Variants in PMPCB observed in about 807,000 individuals in gnomAD.
PMPCB encodes peptidase, mitochondrial processing subunit beta, also known as mitochondrial-processing peptidase subunit beta.
PMPCB carries 46 observed loss-of-function variants against 61.5 expected under a neutral mutation model. The observed-to-expected ratio is 0.75, with a 90% CI of 0.59 to 0.96. The LOEUF (loss-of-function observed/expected upper bound fraction) is 0.96, where lower values mean the gene tolerates loss of function less well. Ranked by LOEUF, PMPCB falls within the 40% of genes least tolerant of loss-of-function variation. The probability of loss-of-function intolerance (pLI) is 0.00; values close to 1 mark genes in which losing one functional copy is unlikely to be tolerated. For missense variants in PMPCB, 590 were observed against 602.4 expected, an observed-to-expected ratio of 0.98 and a Z score of 0.22; for synonymous variants, 191 against 201.6, an observed-to-expected ratio of 0.95 and a Z score of 0.44.
chr7:103,323,490 T>G (rs1448511686), intron 12 of PMPCB: 4 of 1,138,800 alleles, frequency 3.5e-6, no homozygotes, highest in Non-Finnish European at 4.7e-6. Context: ...TTAAAAAAGA[T>G]GTACAAAGAG....
chr7:103,330,416 T>A (rs143491137), downstream of PMPCB, among the ~76,000 whole-genome samples: 488 of 150,734 alleles, frequency 3.2e-3, 4 homozygotes, highest in African/African-American at 0.011. Flanking sequence ...GCCTCCCAAG[T>A]GGCTGGGATT....
Position 103,312,439 on chromosome 7 carries a change from T to TC in PMPCB, c.*169dup. ...AAGGTTGTTTTGTATTAATGGTCAG[T>TC]CTTTGTTCTCTGAGAAATTATGTTG... is the stretch of plus-strand genomic sequence containing the variant. On this transcript the variant is annotated 3_prime_UTR_variant, in exon 13 of 13. Coordinates refer to ENST00000249269, the MANE Select transcript of PMPCB (RefSeq NM_004279.3). The TC allele has an allele frequency of 1.3e-6, 2 of 1,517,232 alleles. No individual in the cohort carries two copies. Among genetic ancestry groups the TC allele is most frequent in the African/African-American group, 2.8e-5 (2 of 71,292 alleles). The allele number at this position is 1,517,232 out of a possible 1,614,324, so 94.0% of individuals were successfully genotyped here.
intron 12 of PMPCB, among the ~76,000 whole-genome samples, chr7:103,325,571 G>A (rs1048156732): frequency 4.6e-5 from 7 of 152,112 alleles, no homozygotes; most frequent in Non-Finnish European, 8.8e-5. Context: ...AATCACCTGG[G>A]AGCCTTAAAA....
chr7:103,344,333 G>A, the PMPCB span: 5 of 585,148 alleles, frequency 8.5e-6, no homozygotes, highest in African/African-American at 9.4e-5. Flanking sequence ...GGCGAGAGGA[G>A]GAAGCAACGG....
chr7:103,304,333 A>AATTTG (rs1817523292), intron 5 of PMPCB, 78 bp from the exon 6 acceptor site: 2 of 845,058 alleles, frequency 2.4e-6, no homozygotes, highest in Non-Finnish European at 4.0e-6. Flanking sequence ...GTTATGGTCC[A>AATTTG]ATTTGATTTC....
rs747666615 is a variant in PMPCB at position 103,300,172 on chromosome 7, T to G, written c.328-6T>G. The G allele has an allele frequency of 1.1e-5, 17 of 1,607,018 alleles. No individual in the cohort carries two copies. The South Asian group carries it at 1.5e-4, about 14-fold the overall frequency. Reference sequence around the variant, plus strand: ...GCATAATTTGTTTTTCCTCTTTTATTTCAAGGGCACCAAGAAGAGATCCCA... The same window carrying G: ...GCATAATTTGTTTTTCCTCTTTTATGTCAAGGGCACCAAGAAGAGATCCCA... On this transcript the variant is annotated splice_polypyrimidine_tract_variant and splice_region_variant and intron_variant, in intron 3 of 12. Transcript: ENST00000249269.
chr7:103,310,674 A>ATTTTTTTT (rs377252653), intron 9 of PMPCB, 199 bp downstream of exon 9: 1 of 157,172 alleles, frequency 6.4e-6, no homozygotes, highest in Non-Finnish European at 1.3e-5. Flanking sequence ...ATACTATAGA[A>ATTTTTTTT]TTTTTTTTTT....
chr7:103,332,131 A>C (rs1204747096), downstream of PMPCB, among the ~76,000 whole-genome samples: 1 of 151,626 alleles, frequency 6.6e-6, no homozygotes, highest in Non-Finnish European at 1.5e-5. Flanking sequence ...CAGCCTCCCG[A>C]GTAGCTGGGA....
intron 4 of PMPCB, among the ~76,000 whole-genome samples, chr7:103,301,912 A>G (rs1586040409): frequency 2.0e-5 from 3 of 152,076 alleles, no homozygotes; most frequent in Admixed American, 2.0e-4. Context: ...TTAACTCGTC[A>G]TTTACATTAG....
At chr7:103,329,834 ACT>A (rs1265804490), downstream of PMPCB, among the ~76,000 whole-genome samples, 2 of 152,096 alleles carry the variant, frequency 1.3e-5, no homozygotes, top group African/African-American at 2.4e-5. Flanking sequence ...TAGTCACTTA[ACT>A]CTCTTTTGCT....
At position 103,313,537 on chromosome 7, in the gene PMPCB, A is replaced by T; in HGVS notation, c.*1266A>T. The T allele has an allele frequency of 1.0e-6, 1 of 983,934 alleles. No homozygotes were observed. The highest frequency in any genetic ancestry group is 1.2e-6 in the Non-Finnish European group (1 of 828,604). The allele number at this position is 983,934 out of a possible 1,614,324, so 61.0% of individuals were successfully genotyped here. ...CACAGTTAAACTTTTGCTGGATAGAAACCCTGGAAATCATTCTTGTTTTAC... is the reference window on the plus strand; with the variant it reads ...CACAGTTAAACTTTTGCTGGATAGATACCCTGGAAATCATTCTTGTTTTAC... On this transcript the variant is annotated 3_prime_UTR_variant, in exon 13 of 13. Coordinates refer to ENST00000249269, the MANE Select transcript of PMPCB (RefSeq NM_004279.3).
the PMPCB span, chr7:103,344,758 G>T: frequency 1.2e-6 from 1 of 850,572 alleles, no homozygotes; most frequent in African/African-American, 1.7e-5. Context: ...GGCGCATGGA[G>T]ACGACCAGTA....
chr7:103,309,242 G>A, intron 8 of PMPCB, 147 bp downstream of exon 8: 1 of 609,280 alleles, frequency 1.6e-6, no homozygotes, highest in Non-Finnish European at 2.5e-6. Context: ...AACTGATCCT[G>A]GATTGCATGT....
At chr7:103,302,928 G>A (rs74602470) in intron 4 of PMPCB, among the ~76,000 whole-genome samples, 1,639 of 152,018 alleles carry the variant, frequency 0.011, 8 homozygotes, top group Non-Finnish European at 0.017. Flanking sequence ...AACATTAATC[G>A]TATTAATGAA....
At chr7:103,334,771 T>C in the PMPCB span, among the ~76,000 whole-genome samples, 1 of 152,092 alleles carries the variant, frequency 6.6e-6, no homozygotes, top group Admixed American at 6.6e-5. Flanking sequence ...TTCATGAGCA[T>C]AATAAAATTA....
chr7:103,330,232 CTA>C (rs201845119), downstream of PMPCB, among the ~76,000 whole-genome samples: 979 of 152,192 alleles, frequency 6.4e-3, 5 homozygotes, highest in Non-Finnish European at 8.6e-3. Context: ...GAGAGAAACT[CTA>C]TGTGTTCATG....
chr7:103,342,632 G>C, the PMPCB span, among the ~76,000 whole-genome samples: 21 of 142,062 alleles, frequency 1.5e-4, no homozygotes, highest in Admixed American at 3.6e-4. Context: ...TTTTTGGGAC[G>C]GAGTCTTGCT....
the PMPCB span, among the ~76,000 whole-genome samples, chr7:103,338,732 A>G: frequency 6.6e-6 from 1 of 151,628 alleles, no homozygotes; most frequent in African/African-American, 2.4e-5. Context: ...TAACATGGTG[A>G]AACCCTGTCT....
In PMPCB at chr7:103,309,123, T is replaced by C. The variant is rs183868789; in HGVS notation, c.993+28T>C. The C allele has an allele frequency of 2.4e-4, 376 of 1,554,286 alleles. 1 individual carries two copies. Among genetic ancestry groups the C allele is most frequent in the Non-Finnish European group, 2.6e-4 (301 of 1,146,952 alleles). On this transcript the variant is annotated intron_variant, in intron 8 of 12. Coordinates refer to ENST00000249269, the MANE Select transcript of PMPCB (RefSeq NM_004279.3). ...AAGTGATTTTAAAAGAAATTTTCCA[T>C]AACAGATGGAAGATTATCATGTTTT... is the stretch of plus-strand genomic sequence containing the variant.
Sources: gnomAD v4.1 joint callset for allele counts (sites outside exome capture counted in the v4.1 genomes callset) on GRCh38, gnomAD v4.1.1 for gene constraint, MANE v1.5 for transcripts, NCBI Gene and HGNC (gene_info 2026-07-23, HGNC 2026-07-21) for gene names.